RIMS1: variants seen among roughly 807,000 people sequenced by gnomAD.
RIMS1 encodes regulating synaptic membrane exocytosis 1.
In RIMS1, 83 loss-of-function variants were observed where a neutral mutation model predicts 214.1. The observed-to-expected ratio is 0.39, with a 90% CI of 0.32 to 0.47. The LOEUF (loss-of-function observed/expected upper bound fraction) is 0.47, where lower values mean the gene tolerates loss of function less well. Among genes scored for constraint, RIMS1 ranks in the 20% least tolerant of loss-of-function variants. RIMS1 has a pLI of 0.99. For synonymous variants in RIMS1, 793 were observed against 786.8 expected (o/e 1.01, Z -0.13); for missense variants, 2,050 against 2,161.8 (o/e 0.95, Z 1.03).
intron 4 of RIMS1, among the ~76,000 whole-genome samples, chr6:72,173,474 C>A (rs997444331): frequency 6.6e-6 from 1 of 151,378 alleles, no homozygotes; most frequent in Non-Finnish European, 1.5e-5. Context: ...ATCTCTCTAA[C>A]GTTTTATCTC....
intron 1 of RIMS1, among the ~76,000 whole-genome samples, chr6:71,891,187 T>C (rs1427937141): frequency 6.6e-6 from 1 of 152,216 alleles, no homozygotes; most frequent in Non-Finnish European, 1.5e-5. Flanking sequence ...CACAGTGTAG[T>C]GGAAAGACCA....
At chr6:71,922,254 T>C (rs1426801860) in intron 1 of RIMS1, among the ~76,000 whole-genome samples, 2 of 152,228 alleles carry the variant, frequency 1.3e-5, no homozygotes, top group Non-Finnish European at 2.9e-5. Flanking sequence ...CATCAGTATC[T>C]ATACTCAACT....
chr6:72,391,911 G>C (rs983936992), intron 30 of RIMS1, among the ~76,000 whole-genome samples: 1 of 152,164 alleles, frequency 6.6e-6, no homozygotes, highest in Non-Finnish European at 1.5e-5. Context: ...TTAATCTCTT[G>C]GATTTATTTT....
chr6:71,989,989 G>T (rs1048267092), intron 2 of RIMS1, among the ~76,000 whole-genome samples: 1 of 152,166 alleles, frequency 6.6e-6, no homozygotes, highest in Admixed American at 6.5e-5. Context: ...CTCCCAGACT[G>T]TGTCTCCTCA....
intron 26 of RIMS1, among the ~76,000 whole-genome samples, chr6:72,306,129 C>G (rs991139881): frequency 2.0e-5 from 3 of 151,968 alleles, no homozygotes; most frequent in Non-Finnish European, 4.4e-5. Context: ...GAGATAAAAT[C>G]AGCAGCCAAG....
intron 2 of RIMS1, among the ~76,000 whole-genome samples, chr6:71,981,950 T>G (rs1471861285): frequency 6.6e-6 from 1 of 151,736 alleles, no homozygotes; most frequent in African/African-American, 2.4e-5. Context: ...CTTTTTTTTT[T>G]GGTTTGAACT....
intron 4 of RIMS1, among the ~76,000 whole-genome samples, chr6:72,168,659 C>T (rs1445113363): frequency 2.7e-5 from 4 of 150,528 alleles, no homozygotes; most frequent in Admixed American, 1.3e-4. Context: ...AGTGCACATG[C>T]TTGAGCCCAC....
chr6:72,374,062 G>A (rs928873375), intron 29 of RIMS1, among the ~76,000 whole-genome samples: 4 of 151,864 alleles, frequency 2.6e-5, no homozygotes, highest in South Asian at 2.1e-4. Flanking sequence ...CTACAAGTAC[G>A]CACCACCACA....
chr6:72,135,330 C>T (rs932996868), intron 4 of RIMS1, among the ~76,000 whole-genome samples: 2 of 152,120 alleles, frequency 1.3e-5, no homozygotes, highest in African/African-American at 4.8e-5. Context: ...GAAGAGGAAA[C>T]TGTCAGTGCA....
chr6:72,133,233 T>C (rs958322003), intron 4 of RIMS1, among the ~76,000 whole-genome samples: 5 of 95,136 alleles, frequency 5.3e-5, no homozygotes, highest in African/African-American at 1.1e-4. Context: ...TTTCTCTCTT[T>C]TTTTTTTTTT....
intron 4 of RIMS1, among the ~76,000 whole-genome samples, chr6:72,109,683 T>A (rs1022013969): frequency 3.3e-5 from 5 of 152,246 alleles, no homozygotes; most frequent in African/African-American, 1.2e-4. Context: ...TTCCTGTTGC[T>A]GTGCAGAAGC....
At chr6:72,008,964 C>T (rs867503916) in intron 2 of RIMS1, among the ~76,000 whole-genome samples, 1 of 152,144 alleles carries the variant, frequency 6.6e-6, no homozygotes, top group Non-Finnish European at 1.5e-5. Context: ...CAGCTCTGCA[C>T]CAAGCGGGCC....
chr6:72,006,126 C>T (rs904439011), intron 2 of RIMS1, among the ~76,000 whole-genome samples: 1 of 152,136 alleles, frequency 6.6e-6, no homozygotes, highest in African/African-American at 2.4e-5. Flanking sequence ...AGCAAACTCT[C>T]ATGTCCATTC....
intron 2 of RIMS1, among the ~76,000 whole-genome samples, chr6:72,068,924 AT>A (rs1476915133): frequency 4.9e-5 from 7 of 144,230 alleles, no homozygotes; most frequent in Non-Finnish European, 7.6e-5. Flanking sequence ...AAAAAAAAAA[AT>A]TTATGAGGTG....
intron 2 of RIMS1, among the ~76,000 whole-genome samples, chr6:72,095,338 C>A (rs1271007841): frequency 2.6e-5 from 4 of 151,992 alleles, no homozygotes; most frequent in Admixed American, 6.6e-5. Flanking sequence ...TTTGAAATAA[C>A]AAGTGCCCAC....
At chr6:72,205,796 C>A (rs574827451) in intron 6 of RIMS1, among the ~76,000 whole-genome samples, 2 of 151,996 alleles carry the variant, frequency 1.3e-5, no homozygotes, top group Non-Finnish European at 2.9e-5. Context: ...AATATAAACA[C>A]TGGAAGTCAG....
intron 1 of RIMS1, among the ~76,000 whole-genome samples, chr6:71,904,002 G>A (rs1038077727): frequency 1.3e-5 from 2 of 152,010 alleles, no homozygotes; most frequent in South Asian, 2.1e-4. Flanking sequence ...TTTTTCACAT[G>A]TATCTTTCAT....
chr6:72,245,907 G>A (rs1302734754), intron 11 of RIMS1, 46 bp downstream of exon 11: 1 of 1,316,970 alleles, frequency 7.6e-7, no homozygotes, highest in South Asian at 1.2e-5. Context: ...TGAACTAATT[G>A]AAAGTAAAGA....
chr6:71,905,145 G>A (rs1322382968), intron 1 of RIMS1, among the ~76,000 whole-genome samples: 1 of 151,824 alleles, frequency 6.6e-6, no homozygotes, highest in Non-Finnish European at 1.5e-5. Flanking sequence ...CTTTGGTGTG[G>A]GTGCCTTCTG....
Sources: gnomAD v4.1 joint callset for allele counts (sites outside exome capture counted in the v4.1 genomes callset) on GRCh38, gnomAD v4.1.1 for gene constraint, MANE v1.5 for transcripts, NCBI Gene and HGNC (gene_info 2026-07-23, HGNC 2026-07-21) for gene names.